Variants in MBLAC2 observed in about 807,000 individuals in gnomAD.
The protein encoded by MBLAC2 is acyl-coenzyme A thioesterase MBLAC2.
A neutral mutation model predicts 23.3 loss-of-function variants in MBLAC2; 24 were observed. The ratio of observed to expected loss-of-function variants is 1.03; its 90% CI spans 0.75 to 1.45. MBLAC2 has a LOEUF of 1.45. Among genes scored for constraint, MBLAC2 ranks in the 40% most tolerant of loss-of-function variants. The probability of loss-of-function intolerance (pLI) is 0.00; values close to 1 mark genes in which losing one functional copy is unlikely to be tolerated. For missense variants in MBLAC2, 358 were observed against 370.0 expected (o/e 0.97, Z 0.27); for synonymous variants, 162 against 150.9 (o/e 1.07, Z -0.54).
At chr5:90,467,700 T>A (rs1580181649) in intron 1 of MBLAC2, among the ~76,000 whole-genome samples, 1 of 145,364 alleles carries the variant, frequency 6.9e-6, no homozygotes, top group Non-Finnish European at 1.5e-5. Flanking sequence ...TGCGACATAC[T>A]ATTCTATTCA....
In MBLAC2 at chr5:90,461,097, A is replaced by G. The variant is rs1244790063; in HGVS notation, c.*70T>C. On this transcript the variant is annotated 3_prime_UTR_variant, in exon 2 of 2. Transcript: ENST00000316610. ...AAAAGCACTTCATGAAATGCTCACTATTAATCAGTTAAATAGCACAGAATG... is the reference window on the plus strand; with the variant it reads ...AAAAGCACTTCATGAAATGCTCACTGTTAATCAGTTAAATAGCACAGAATG... The G allele has an allele frequency of 2.1e-5, 27 of 1,272,078 alleles. No homozygotes were observed. Among genetic ancestry groups the G allele is most frequent in the Non-Finnish European group, 2.8e-5 (26 of 941,218 alleles). 78.8% of individuals were successfully genotyped at this position (1,272,078 alleles called of 1,614,324 possible). A position where few individuals can be genotyped will look rare whatever the true frequency, so the allele number is the denominator to read the frequency against.
At chr5:90,470,562 A>G (rs1750526891) in intron 1 of MBLAC2, among the ~76,000 whole-genome samples, 1 of 152,170 alleles carries the variant, frequency 6.6e-6, no homozygotes, top group Non-Finnish European at 1.5e-5. Context: ...GTAGAGAAAG[A>G]GGCCAGGATT....
At chr5:90,473,755 G>T in intron 1 of MBLAC2, 84 bp downstream of exon 1, 1 of 1,324,558 alleles carries the variant, frequency 7.5e-7, no homozygotes, top group Non-Finnish European at 1.1e-6. Context: ...TTATGGCCAC[G>T]CAAGTCTGCA....
intron 1 of MBLAC2, 169 bp downstream of exon 1, chr5:90,473,670 A>C (rs902574977): frequency 5.5e-6 from 4 of 731,096 alleles, no homozygotes; most frequent in African/African-American, 1.7e-5. Flanking sequence ...GATGGCCTTG[A>C]CTCTGGTCAA....
chr5:90,465,541 A>C (rs2151891731), intron 1 of MBLAC2, among the ~76,000 whole-genome samples: 1 of 152,334 alleles, frequency 6.6e-6, no homozygotes, highest in Middle Eastern at 3.4e-3. Context: ...GCTTGAAATA[A>C]AGCTAGTACA....
chr5:90,461,653 A>T, intron 1 of MBLAC2, 101 bp from the exon 2 acceptor site: 2 of 1,074,766 alleles, frequency 1.9e-6, no homozygotes, highest in Non-Finnish European at 2.6e-6. Context: ...ATTGGGAAGG[A>T]TGACACTTTA....
chr5:90,474,549 C>A lies in MBLAC2; in HGVS notation c.-257G>T, dbSNP rs1561243029. 3.9e-6 allele frequency: 2 copies of A among 510,836 alleles called. No individual in the cohort carries two copies. Among genetic ancestry groups the A allele is most frequent in the African/African-American group, 2.0e-5 (1 of 50,784 alleles). The allele number at this position is 510,836 out of a possible 1,614,324, so 31.6% of individuals were successfully genotyped here. ...AGAGGCTGCGCCACCAGCACGGGGGCGCAGGAGCTACCGCAGCCTCGGCAG... is the reference window on the plus strand; with the variant it reads ...AGAGGCTGCGCCACCAGCACGGGGGAGCAGGAGCTACCGCAGCCTCGGCAG... On this transcript the variant is annotated 5_prime_UTR_variant, in exon 1 of 2. Transcript: ENST00000316610.
rs570938766 is a variant in MBLAC2, at chr5:90,458,499, A to T, written c.*2668T>A. 3.9e-5 allele frequency: 6 copies of T among 152,348 alleles called. No individual in the cohort carries two copies. The South Asian group carries it at 1.2e-3, about 32-fold the overall frequency. 9.4% of individuals were successfully genotyped at this position (152,348 alleles called of 1,614,324 possible). A position where few individuals can be genotyped will look rare whatever the true frequency, so the allele number is the denominator to read the frequency against. ...CAACTTTGAATTATACTTACATACT[A>T]ATATTTCCAAAAATCATTTAAGTTA... On this transcript the variant is annotated 3_prime_UTR_variant, in exon 2 of 2. Transcript: ENST00000316610.
At chr5:90,473,472 A>T in intron 1 of MBLAC2, 1 of 575,238 alleles carries the variant, frequency 1.7e-6, no homozygotes, top group Admixed American at 3.4e-5. Flanking sequence ...TCACTACGAA[A>T]GCTCCTGGAA....
At chr5:90,473,192 A>G (rs1750595259) in intron 1 of MBLAC2, 1 of 154,480 alleles carries the variant, frequency 6.5e-6, no homozygotes, top group African/African-American at 2.4e-5. Flanking sequence ...AACCGGACCA[A>G]ATATCTGTCA....
chr5:90,474,525 G>A lies in MBLAC2; in HGVS notation c.-233C>T. On this transcript the variant is annotated 5_prime_UTR_variant, in exon 1 of 2. Transcript: ENST00000316610. ...CCTTCCGCCAGGTCGGCAGCAAGCA[G>A]AGGCTGCGCCACCAGCACGGGGGCG... The A allele has an allele frequency of 1.8e-6, 1 of 541,178 alleles. No individual in the cohort carries two copies. Among genetic ancestry groups the A allele is most frequent in the Non-Finnish European group, 3.3e-6 (1 of 307,010 alleles). 33.5% of individuals were successfully genotyped at this position (541,178 alleles called of 1,614,324 possible).
rs1323171389 is a variant in MBLAC2 at position 90,474,561 on chromosome 5, C to T, written c.-269G>A. On this transcript the variant is annotated 5_prime_UTR_variant, in exon 1 of 2. Coordinates refer to ENST00000316610, the MANE Select transcript of MBLAC2 (RefSeq NM_203406.2). Reference sequence around the variant, plus strand: ...ACCAGCACGGGGGCGCAGGAGCTACCGCAGCCTCGGCAGCCGCACCACGAG... The same window carrying T: ...ACCAGCACGGGGGCGCAGGAGCTACTGCAGCCTCGGCAGCCGCACCACGAG... 6.1e-6 allele frequency: 3 copies of T among 492,766 alleles called. No homozygotes were observed. Among genetic ancestry groups the T allele is most frequent in the African/African-American group, 4.0e-5 (2 of 50,360 alleles). 30.5% of individuals were successfully genotyped at this position (492,766 alleles called of 1,614,324 possible).
chr5:90,473,879 G>C lies in MBLAC2; in HGVS notation c.414C>G (p.Phe138Leu), dbSNP rs1473471010. ...GGGTGGGCTGCACCGCCTGTACCCG[G>C]AACTGTCTGGCCCTCCAGCCGGGGC... ...TPSPGWRARQ[F>L]RVQAVQPTLI... Residue 138 changes from phenylalanine (F) to leucine (L), a missense_variant, in exon 1 of 2, where the codon TTC becomes TTG. By Grantham distance (22) the Phe-to-Leu change is conservative. Coordinates refer to ENST00000316610, the MANE Select transcript of MBLAC2 (RefSeq NM_203406.2). 1.2e-6 allele frequency: 2 copies of C among 1,602,922 alleles called. No individual in the cohort carries two copies. The highest frequency in any genetic ancestry group is 1.7e-6 in the Non-Finnish European group (2 of 1,175,404).
intron 1 of MBLAC2, among the ~76,000 whole-genome samples, chr5:90,464,531 T>A (rs1196025333): frequency 6.6e-6 from 1 of 152,030 alleles, no homozygotes; most frequent in Non-Finnish European, 1.5e-5. Context: ...GCTGCAGAGA[T>A]CTATGATGGC....
chr5:90,472,210 C>T (rs1271995822), intron 1 of MBLAC2, among the ~76,000 whole-genome samples: 2 of 152,152 alleles, frequency 1.3e-5, no homozygotes, highest in Non-Finnish European at 2.9e-5. Flanking sequence ...TTATTCTTTT[C>T]AACAATTTAA....
At chr5:90,461,652 G>A in intron 1 of MBLAC2, 100 bp from the exon 2 acceptor site, 1 of 1,098,068 alleles carries the variant, frequency 9.1e-7, no homozygotes, top group Non-Finnish European at 1.3e-6. Flanking sequence ...AATTGGGAAG[G>A]ATGACACTTT....
chr5:90,462,119 A>G (rs951110643), intron 1 of MBLAC2, among the ~76,000 whole-genome samples: 1 of 152,174 alleles, frequency 6.6e-6, no homozygotes, highest in Non-Finnish European at 1.5e-5. Flanking sequence ...ATGATGCTCT[A>G]ATATGTGAGT....
Position 90,459,102 on chromosome 5 carries a change from T to C in MBLAC2, c.*2065A>G, listed in dbSNP as rs1008795223. The stretch of plus-strand genomic sequence containing the variant: ...GGACTTTTGGTTTTCCTTTGTGCTA[T>C]TGATATAAAAATAATGGCTTTATTT... On this transcript the variant is annotated 3_prime_UTR_variant, in exon 2 of 2. Coordinates refer to ENST00000316610, the MANE Select transcript of MBLAC2 (RefSeq NM_203406.2). 6.6e-5 allele frequency: 10 copies of C among 152,578 alleles called. No homozygotes were observed. Among genetic ancestry groups the C allele is most frequent in the East Asian group, 1.9e-4 (1 of 5,200 alleles). 9.5% of individuals were successfully genotyped at this position (152,578 alleles called of 1,614,324 possible). A position where few individuals can be genotyped will look rare whatever the true frequency, so the allele number is the denominator to read the frequency against.
intron 1 of MBLAC2, 140 bp from the exon 2 acceptor site, chr5:90,461,692 G>C: frequency 1.1e-6 from 1 of 879,100 alleles, no homozygotes; most frequent in Non-Finnish European, 1.7e-6. Flanking sequence ...TCTTAATGAT[G>C]ATTTAAAAAT....
Sources: gnomAD v4.1 joint callset for allele counts (sites outside exome capture counted in the v4.1 genomes callset) on GRCh38, gnomAD v4.1.1 for gene constraint, MANE v1.5 for transcripts, NCBI Gene and HGNC (gene_info 2026-07-23, HGNC 2026-07-21) for gene names.